Variants in RASSF4 observed in about 807,000 individuals in gnomAD.
RASSF4 encodes the protein Ras association domain family member 4.
A neutral mutation model predicts 41.1 loss-of-function variants in RASSF4; 38 were observed. The ratio of observed to expected loss-of-function variants is 0.92; its 90% CI spans 0.71 to 1.21. RASSF4 has a LOEUF of 1.21. RASSF4 is among the 50% of genes most tolerant of loss of function. RASSF4 has a pLI of 0.00. For missense variants in RASSF4, 414 were observed against 419.4 expected (o/e 0.99, Z 0.11); for synonymous variants, 179 against 163.4 (o/e 1.10, Z -0.73).
At chr10:44,967,772 C>T (rs10793573) in intron 1 of RASSF4, among the ~76,000 whole-genome samples, 81,054 of 151,980 alleles carry the variant, frequency 0.53, 25,300 homozygotes, top group Non-Finnish European at 0.7. Flanking sequence ...CCCCCGCCCT[C>T]ACCCCCACCA....
rs1842251670 is a variant in RASSF4, at chr10:44,995,562, A to T, written c.*2233A>T. The T allele has an allele frequency of 6.6e-6, 1 of 152,270 alleles. No individual in the cohort carries two copies. The highest frequency in any genetic ancestry group is 1.5e-5 in the Non-Finnish European group (1 of 68,044). 9.4% of individuals were successfully genotyped at this position (152,270 alleles called of 1,614,324 possible). The stretch of plus-strand genomic sequence containing the variant: ...GTTCACTTTTAAAGTAGGTGTTATC[A>T]ATCTAATTTCTGAACGTTATGGGTC... On this transcript the variant is annotated 3_prime_UTR_variant, in exon 11 of 11. Transcript: ENST00000340258.
intron 6 of RASSF4, among the ~76,000 whole-genome samples, chr10:44,988,352 G>T (rs1841991875): frequency 6.6e-6 from 1 of 152,164 alleles, no homozygotes; most frequent in Non-Finnish European, 1.5e-5. Context: ...CACAGCTAGG[G>T]TTTATTGAGG....
intron 9 of RASSF4, 114 bp downstream of exon 9, chr10:44,991,183 C>A: frequency 3.0e-6 from 3 of 1,009,880 alleles, no homozygotes; most frequent in Non-Finnish European, 4.1e-6. Flanking sequence ...CCAGGAGCTC[C>A]ACACTCTCCC....
At chr10:44,972,076 C>T (rs1841195819) in intron 3 of RASSF4, among the ~76,000 whole-genome samples, 1 of 152,190 alleles carries the variant, frequency 6.6e-6, no homozygotes, top group South Asian at 2.1e-4. Flanking sequence ...TGCATCCCTT[C>T]CAGAGTTCCC....
At chr10:44,985,685 G>C (rs1388156648) in intron 6 of RASSF4, among the ~76,000 whole-genome samples, 2 of 152,152 alleles carry the variant, frequency 1.3e-5, no homozygotes, top group African/African-American at 2.4e-5. Context: ...AGGGTCTCAG[G>C]GTCCGATCTG....
Position 44,984,038 on chromosome 10 carries a change from C to T in RASSF4, c.298C>T (p.Gln100Ter), listed in dbSNP as rs908936015. The T allele has an allele frequency of 1.2e-6, 2 of 1,602,584 alleles. No individual in the cohort carries two copies. The highest frequency in any genetic ancestry group is 1.7e-6 in the Non-Finnish European group (2 of 1,174,848). ...TGTTTTCAGAAAGGAGCCATCGCCC[C>T]AGAACGGGAACATCACAGCCCAGGG... ...PSCPLKEPSPQNGNITAQGPS... is the reference protein window; with the variant it reads ...PSCPLKEPSP The change falls in exon 5 of 11, where the codon CAG (glutamine) becomes TAG (stop). Residue 100 changes from glutamine (Q) to a stop codon, truncating the protein, a stop_gained. Transcript: ENST00000340258. LOFTEE classifies it high-confidence loss of function.
intron 7 of RASSF4, 99 bp from the exon 8 acceptor site, chr10:44,989,571 C>G (rs11593886): frequency 2.6e-6 from 3 of 1,134,496 alleles, no homozygotes; most frequent in African/African-American, 3.0e-5. Context: ...TTGCAACTTG[C>G]GTGTGTGTTA....
chr10:44,969,525 T>C (rs541612971), intron 1 of RASSF4, among the ~76,000 whole-genome samples: 2 of 152,318 alleles, frequency 1.3e-5, no homozygotes, highest in African/African-American at 2.4e-5. Flanking sequence ...GTCCAAATGC[T>C]TGTGCTGGAA....
intron 10 of RASSF4, 119 bp from the exon 11 acceptor site, chr10:44,993,150 G>A: frequency 2.5e-6 from 2 of 794,728 alleles, no homozygotes; most frequent in Admixed American, 2.1e-5. Context: ...CTTGGCAGAG[G>A]AGAGATGAGG....
chr10:44,988,888 G>C (rs923519610), intron 6 of RASSF4, among the ~76,000 whole-genome samples: 1 of 152,236 alleles, frequency 6.6e-6, no homozygotes, highest in African/African-American at 2.4e-5. Context: ...ACTGCTGGGA[G>C]AATGAAGAGG....
Position 44,970,193 on chromosome 10 carries a change from G to A in RASSF4, c.-10G>A. On this transcript the variant is annotated 5_prime_UTR_variant, in exon 2 of 11. Coordinates refer to ENST00000340258, the MANE Select transcript of RASSF4 (RefSeq NM_032023.4). ...GTAACTTCTAGGTCTGCAGACAAGA[G>A]GAAGAGAAGATGAAGGAAGACTGTC... 2 of 1,612,766 alleles carry A rather than the reference G, an allele frequency of 1.2e-6. No individual in the cohort carries two copies. Among genetic ancestry groups the A allele is most frequent in the Non-Finnish European group, 1.7e-6 (2 of 1,178,712 alleles).
chr10:44,991,074 G>C lies in RASSF4; in HGVS notation c.807+5G>C. ...GGCGTGGAAGTCCCCCATGAAGTGA[G>C]TGGGGGCCAAGGCTGGGGAGGCCTG... On this transcript the variant is annotated splice_donor_5th_base_variant and intron_variant, in intron 9 of 10. Transcript: ENST00000340258. 1.2e-6 allele frequency: 2 copies of C among 1,610,548 alleles called. No homozygotes were observed. The highest frequency in any genetic ancestry group is 1.7e-6 in the Non-Finnish European group (2 of 1,177,714).
intron 1 of RASSF4, among the ~76,000 whole-genome samples, chr10:44,968,031 C>T (rs554128754): frequency 6.6e-6 from 1 of 152,320 alleles, no homozygotes; most frequent in African/African-American, 2.4e-5. Context: ...CGTGAACTTG[C>T]TCAGTGAGCC....
rs142269204 is a variant in RASSF4 at position 44,973,440 on chromosome 10, G to A, written c.138+1592G>A. Among the ~76,000 whole-genome samples the A allele has an allele frequency of 3.0e-3, 463 of 152,306 alleles. 4 individuals are homozygous for A. Among genetic ancestry groups the A allele is most frequent in the African/African-American group, 0.01 (436 of 41,554 alleles). ...CTTCATATCTTCTGGTGGAGGCCTG[G>A]GGTGTGGTCACTGCTGTTCTTCAGC... is the stretch of plus-strand genomic sequence containing the variant. On this transcript the variant is annotated intron_variant, in intron 3 of 10. Transcript: ENST00000340258.
At chr10:44,965,355 T>C (rs1840861694) in intron 1 of RASSF4, among the ~76,000 whole-genome samples, 1 of 152,082 alleles carries the variant, frequency 6.6e-6, no homozygotes. Flanking sequence ...TGGGGAAAGA[T>C]CTGGAAAGGG....
intron 3 of RASSF4, 26 bp downstream of exon 3, chr10:44,971,874 G>T: frequency 6.4e-7 from 1 of 1,552,700 alleles, no homozygotes; most frequent in African/African-American, 1.4e-5. Context: ...TTGTTCATGG[G>T]GTCACCATGT....
chr10:44,983,526 G>T, intron 4 of RASSF4: 1 of 171,072 alleles, frequency 5.8e-6, no homozygotes. Flanking sequence ...CAGGTCCCCT[G>T]GGCTACAGGG....
At chr10:44,982,464 G>C in intron 3 of RASSF4, 57 bp from the exon 4 acceptor site, 3 of 1,589,154 alleles carry the variant, frequency 1.9e-6, no homozygotes, top group Non-Finnish European at 2.6e-6. Flanking sequence ...TCCCTAGGGG[G>C]CACAGGGAAG....
At chr10:44,962,695 T>TA (rs1301271210) in intron 1 of RASSF4, among the ~76,000 whole-genome samples, 2 of 152,160 alleles carry the variant, frequency 1.3e-5, no homozygotes, top group African/African-American at 4.8e-5. Flanking sequence ...CCGAAAACCA[T>TA]AGCTAAGAAG....
Sources: gnomAD v4.1 joint callset for allele counts (sites outside exome capture counted in the v4.1 genomes callset) on GRCh38, gnomAD v4.1.1 for gene constraint, MANE v1.5 for transcripts, NCBI Gene and HGNC (gene_info 2026-07-23, HGNC 2026-07-21) for gene names.